PSMA7: variants seen among roughly 807,000 people sequenced by gnomAD.
PSMA7 encodes the protein proteasome subunit alpha type-7.
A neutral mutation model predicts 31.3 loss-of-function variants in PSMA7; 5 were observed. The observed-to-expected ratio is 0.16, with a 90% CI of 0.08 to 0.34. The LOEUF (loss-of-function observed/expected upper bound fraction) is 0.34, where lower values mean the gene tolerates loss of function less well. PSMA7 is among the 10% of genes least tolerant of loss of function. The pLI, the probability that PSMA7 is intolerant of heterozygous loss-of-function variation, is 1.00. For missense variants in PSMA7, 217 were observed against 327.5 expected, an observed-to-expected ratio of 0.66 and a Z score of 2.60; for synonymous variants, 155 against 121.9, an observed-to-expected ratio of 1.27 and a Z score of -1.79.
At chr20:62,138,021 C>T (rs1392948413) in intron 5 of PSMA7, 150 bp downstream of exon 5, 7 of 1,046,130 alleles carry the variant, frequency 6.7e-6, no homozygotes, top group Middle Eastern at 2.5e-4. Context: ...AGTTAGGATA[C>T]ACCATAGACC....
intron 4 of PSMA7, 46 bp downstream of exon 4, chr20:62,139,029 C>A (rs1235957626): frequency 2.5e-6 from 4 of 1,601,902 alleles, no homozygotes; most frequent in Non-Finnish European, 3.4e-6. Flanking sequence ...CCCCTCAAAG[C>A]CTTTTTCTGG....
intron 1 of PSMA7, among the ~76,000 whole-genome samples, chr20:62,141,500 T>C (rs1476459157): frequency 2.6e-5 from 4 of 152,256 alleles, no homozygotes; most frequent in African/African-American, 9.6e-5. Context: ...CTCACCTAGG[T>C]GCCCAACCTG....
At chr20:62,137,141 C>A (rs2056899691) in intron 6 of PSMA7, among the ~76,000 whole-genome samples, 192 bp from the exon 7 acceptor site, 1 of 152,032 alleles carries the variant, frequency 6.6e-6, no homozygotes, top group Non-Finnish European at 1.5e-5. Flanking sequence ...AGCAGCAGAT[C>A]TGACTGGCAG....
At position 62,138,342 on chromosome 20, in the gene PSMA7, C is replaced by T. The variant is rs765523771; in HGVS notation, c.472-52G>A. 8 of 1,544,070 alleles carry T rather than the reference C, an allele frequency of 5.2e-6. No homozygotes were observed. The East Asian group carries it at 6.8e-5, about 13-fold the overall frequency. On this transcript the variant is annotated intron_variant, in intron 4 of 6. Coordinates refer to ENST00000370873, the MANE Select transcript of PSMA7 (RefSeq NM_002792.4). ...TGGCATAGGGCATGACAACCCAGGG[C>T]CAGCCCTGGAACACAGCTGCCCTAC... is the stretch of plus-strand genomic sequence containing the variant.
chr20:62,138,091 C>A (rs1308967585), intron 5 of PSMA7, 80 bp downstream of exon 5: 1 of 1,591,346 alleles, frequency 6.3e-7, no homozygotes, highest in Non-Finnish European at 8.6e-7. Context: ...TGCCACCTTC[C>A]TTCCTGCTCA....
chr20:62,139,387 C>T (rs1374297929), intron 3 of PSMA7, 190 bp from the exon 4 acceptor site: 4 of 753,090 alleles, frequency 5.3e-6, no homozygotes, highest in African/African-American at 5.3e-5. Context: ...TAGAAAAACT[C>T]ACCTAGGACC....
At position 62,143,119 on chromosome 20, in the gene PSMA7, C is replaced by T. The variant is rs1353767829; in HGVS notation, c.96+89G>A. 4.7e-6 allele frequency: 4 copies of T among 856,782 alleles called. No individual in the cohort carries two copies. In the Admixed American group the frequency reaches 1.8e-4, roughly 38 times the overall value. The allele number at this position is 856,782 out of a possible 1,614,324, so 53.1% of individuals were successfully genotyped here. ...CCCCGCGCACGCCCGCGGGCGCCCA[C>T]AGCGCCGCGCCCGGCCCCGGCCCTC... On this transcript the variant is annotated intron_variant, in intron 1 of 6. Coordinates refer to ENST00000370873, the MANE Select transcript of PSMA7 (RefSeq NM_002792.4).
rs2056902093 is a variant in PSMA7 at position 62,137,396 on chromosome 20, G to A, written c.622C>T (p.Leu208Phe). 1 of 1,614,020 alleles carries A rather than the reference G, an allele frequency of 6.2e-7. No homozygotes were observed. Among genetic ancestry groups the A allele is most frequent in the African/African-American group, 1.3e-5 (1 of 74,920 alleles). ...GATTGATCTCGCCTCATGACAGCAAGTTCAATGTTTTTGCCACCTGACTGA... is the reference window on the plus strand; with the variant it reads ...GATTGATCTCGCCTCATGACAGCAAATTCAATGTTTTTGCCACCTGACTGA... ...VVQSGGKNIELAVMRRDQSLK... is the reference protein window; with the variant it reads ...VVQSGGKNIEFAVMRRDQSLK... Residue 208 changes from leucine (L) to phenylalanine (F), a missense_variant, in exon 6 of 7, where the codon CTT becomes TTT. By Grantham distance (22) the Leu-to-Phe change is conservative. Coordinates refer to ENST00000370873, the MANE Select transcript of PSMA7 (RefSeq NM_002792.4).
At chr20:62,142,779 C>A (rs1600971023) in intron 1 of PSMA7, among the ~76,000 whole-genome samples, 2 of 152,174 alleles carry the variant, frequency 1.3e-5, no homozygotes, top group East Asian at 3.9e-4. Context: ...TCCCCAGCCA[C>A]CCGGCTGCGT....
Position 62,143,338 on chromosome 20 carries a change from A to C in PSMA7, c.-35T>G. ...CGGCGGCCGGGCTCCTTCCGCCGCG[A>C]CTCTCAAAAGCGCACACTCACGGCC... is the stretch of plus-strand genomic sequence containing the variant. On this transcript the variant is annotated 5_prime_UTR_variant, in exon 1 of 7. Coordinates refer to ENST00000370873, the MANE Select transcript of PSMA7 (RefSeq NM_002792.4). 7.5e-7 allele frequency: 1 copy of C among 1,325,046 alleles called. No individual in the cohort carries two copies. The highest frequency in any genetic ancestry group is 9.9e-7 in the Non-Finnish European group (1 of 1,012,830). The allele number at this position is 1,325,046 out of a possible 1,614,324, so 82.1% of individuals were successfully genotyped here.
chr20:62,139,404 G>A (rs1215848459), intron 3 of PSMA7: 2 of 685,288 alleles, frequency 2.9e-6, no homozygotes, highest in Non-Finnish European at 4.8e-6. Flanking sequence ...GACCAGAATT[G>A]TGAACTCAGG....
chr20:62,139,838 A>G lies in PSMA7; in HGVS notation c.291T>C (p.Thr97=), dbSNP rs1600967696. 1.9e-6 allele frequency: 3 copies of G among 1,614,110 alleles called. No homozygotes were observed. The highest frequency in any genetic ancestry group is 2.5e-6 in the Non-Finnish European group (3 of 1,180,038). The change falls in exon 3 of 7, where the codon ACT becomes ACC. Residue 97 remains threonine (T), a synonymous_variant. Transcript: ENST00000370873. ...ACTCCACAGTGACCGGGTCCTCCACAGTCAGCCGGTGGCTCTGGCACTCCA... is the reference window on the plus strand; with the variant it reads ...ACTCCACAGTGACCGGGTCCTCCACGGTCAGCCGGTGGCTCTGGCACTCCA... The part of the protein sequence containing the change: ...ARVECQSHRL[T]VEDPVTVEYI...
intron 1 of PSMA7, among the ~76,000 whole-genome samples, chr20:62,141,627 G>A (rs1442784499): frequency 6.6e-6 from 1 of 152,236 alleles, no homozygotes; most frequent in Non-Finnish European, 1.5e-5. Context: ...AAGCCTGGAA[G>A]CCTGAGACTT....
intron 3 of PSMA7, chr20:62,139,496 C>G: frequency 1.5e-6 from 1 of 658,570 alleles, no homozygotes; most frequent in South Asian, 1.9e-5. Flanking sequence ...CTTCCAGCCC[C>G]CTTCAACTGC....
At chr20:62,140,009 C>G (rs80321332) in intron 2 of PSMA7, 104 bp from the exon 3 acceptor site, 2 of 1,416,856 alleles carry the variant, frequency 1.4e-6, no homozygotes, top group East Asian at 2.5e-5. Context: ...CCCCCCAAAC[C>G]GGCAGCAAGG....
At position 62,136,917 on chromosome 20, in the gene PSMA7, A is replaced by C; in HGVS notation, c.687T>G (p.Val229=). 1 of 1,602,428 alleles carries C rather than the reference A, an allele frequency of 6.2e-7. No individual in the cohort carries two copies. The highest frequency in any genetic ancestry group is 8.5e-7 in the Non-Finnish European group (1 of 1,176,300). ...ILNPEEIEKY[V]AEIEKEKEEN... ...CTTCTTTTTCTTTTTCAATTTCAGC[A>C]ACATACTTCTCAATTTCTTCAGGAT... Residue 229 remains valine, a synonymous_variant, in exon 7 of 7, where the codon GTT becomes GTG. Transcript: ENST00000370873.
rs953077750 is a variant in PSMA7, at chr20:62,136,758, G to A, written c.*99C>T. On this transcript the variant is annotated 3_prime_UTR_variant, in exon 7 of 7. Transcript: ENST00000370873. ...TTAAAAATACGGAAGTTTATTGTAG[G>A]ACACTCAGTGTGAATAAATGGAATG... is the stretch of plus-strand genomic sequence containing the variant. 2.3e-5 allele frequency: 33 copies of A among 1,461,304 alleles called. No individual in the cohort carries two copies. The highest frequency in any genetic ancestry group is 3.0e-5 in the Non-Finnish European group (33 of 1,101,196). The allele number at this position is 1,461,304 out of a possible 1,614,324, so 90.5% of individuals were successfully genotyped here.
chr20:62,137,182 A>G (rs1600965107), intron 6 of PSMA7, among the ~76,000 whole-genome samples, 182 bp downstream of exon 6: 2 of 152,348 alleles, frequency 1.3e-5, no homozygotes, highest in African/African-American at 4.8e-5. Flanking sequence ...ACACGCGTGG[A>G]CCATCTAATC....
chr20:62,137,498 C>T lies in PSMA7; in HGVS notation c.592-72G>A, dbSNP rs6089328. 4 of 1,430,878 alleles carry T rather than the reference C, an allele frequency of 2.8e-6. 1 individual carries two copies. The African/African-American group carries it at 4.2e-5, about 15-fold the overall frequency. The allele number at this position is 1,430,878 out of a possible 1,614,324, so 88.6% of individuals were successfully genotyped here. On this transcript the variant is annotated intron_variant, in intron 5 of 6. Transcript: ENST00000370873. ...AGACAAAAGCAGCTCTCAGGAGTAC[C>T]TTAAATAGGTGTGTACCCAAACCCA...
Sources: allele counts gnomAD v4.1 joint callset (sites outside exome capture counted in the v4.1 genomes callset), GRCh38; gene constraint gnomAD v4.1.1; transcripts MANE v1.5; gene names NCBI Gene and HGNC (gene_info 2026-07-23, HGNC 2026-07-21).